XPO6: variants seen among roughly 807,000 people sequenced by gnomAD.
The protein encoded by XPO6 is exportin 6.
A neutral mutation model predicts 130.0 loss-of-function variants in XPO6; 3 were observed. The ratio of observed to expected loss-of-function variants is 0.02; its 90% CI spans 0.01 to 0.06. XPO6 has a LOEUF of 0.06. Among genes scored for constraint, XPO6 ranks in the 10% least tolerant of loss-of-function variants. XPO6 has a pLI of 1.00. For missense variants in XPO6, 970 were observed against 1,393.0 expected (o/e 0.70, Z 4.83); for synonymous variants, 524 against 548.9 (o/e 0.95, Z 0.63).
Position 28,211,543 on chromosome 16 carries a change from G to A in XPO6, c.-175C>T. 1 of 613,616 alleles carries A rather than the reference G, an allele frequency of 1.6e-6. No individual in the cohort carries two copies. Among genetic ancestry groups the A allele is most frequent in the Non-Finnish European group, 2.4e-6 (1 of 409,694 alleles). 38.0% of individuals were successfully genotyped at this position (613,616 alleles called of 1,614,324 possible). A position where few individuals can be genotyped will look rare whatever the true frequency, so the allele number is the denominator to read the frequency against. ...CTCTAAAAAGGGCAGGGCCGCCCGG[G>A]TCGCCTCATCGGGGGACCCCGAGAC... On this transcript the variant is annotated 5_prime_UTR_variant, in exon 1 of 24. Coordinates refer to ENST00000304658, the MANE Select transcript of XPO6 (RefSeq NM_015171.4).
At chr16:28,144,785 A>C (rs1055151687) in intron 9 of XPO6, among the ~76,000 whole-genome samples, 1 of 152,206 alleles carries the variant, frequency 6.6e-6, no homozygotes, top group African/African-American at 2.4e-5. Context: ...TATTTCAATT[A>C]ATGTCTCAAC....
At chr16:28,124,004 C>T (rs1443359058) in intron 13 of XPO6, among the ~76,000 whole-genome samples, 2 of 151,104 alleles carry the variant, frequency 1.3e-5, no homozygotes, top group Admixed American at 6.6e-5. Context: ...TCAAATGATT[C>T]AGGATCTTTG....
chr16:28,140,342 T>C (rs2042866379), intron 9 of XPO6, among the ~76,000 whole-genome samples: 1 of 150,998 alleles, frequency 6.6e-6, no homozygotes, highest in South Asian at 2.1e-4. Context: ...CCAAAGAAAT[T>C]AGAAAATATT....
chr16:28,125,554 CAGCTTGTATGTGGCAG>C, intron 13 of XPO6, 119 bp downstream of exon 13: 3 of 1,096,020 alleles, frequency 2.7e-6, no homozygotes, highest in Non-Finnish European at 3.9e-6. Flanking sequence ...TGTTCCCTAT[CAGCTTGTATGTGGCAG>C]AGCCTAGATT....
intron 9 of XPO6, 75 bp downstream of exon 9, chr16:28,146,019 G>T: frequency 8.8e-7 from 1 of 1,133,080 alleles, no homozygotes; most frequent in Non-Finnish European, 1.3e-6. Flanking sequence ...AGGTCCAAAT[G>T]CATGGCTGTC....
chr16:28,124,369 T>C (rs763197601), intron 13 of XPO6, among the ~76,000 whole-genome samples: 2 of 152,212 alleles, frequency 1.3e-5, no homozygotes, highest in African/African-American at 2.4e-5. Context: ...ACTGAACAGA[T>C]AAGATATATC....
At chr16:28,186,374 C>CTGTTTTTTTTTTTTTTTTTTTTTTT (rs2043693656) in intron 1 of XPO6, among the ~76,000 whole-genome samples, 1 of 81,442 alleles carries the variant, frequency 1.2e-5, no homozygotes, top group Admixed American at 1.7e-4. Flanking sequence ...CCCAGTTATT[C>CTGTTTTTTTTTTTTTTTTTTTTTTT]TTTTTTTTTT....
chr16:28,181,793 G>C (rs2141873328), intron 1 of XPO6, among the ~76,000 whole-genome samples: 1 of 152,262 alleles, frequency 6.6e-6, no homozygotes, highest in African/African-American at 2.4e-5. Context: ...GCTAACTAGG[G>C]ATTCAAAATT....
intron 23 of XPO6, among the ~76,000 whole-genome samples, chr16:28,099,216 G>A (rs1485608636): frequency 6.6e-6 from 1 of 152,190 alleles, no homozygotes; most frequent in Non-Finnish European, 1.5e-5. Flanking sequence ...CCCACTGGGC[G>A]CAGCGTGGGC....
rs772077448 is a variant in XPO6 at position 28,169,770 on chromosome 16, G to A, written c.545C>T (p.Thr182Ile). The A allele has an allele frequency of 6.2e-7, 1 of 1,613,990 alleles. No individual in the cohort carries two copies. The highest frequency in any genetic ancestry group is 8.5e-7 in the Non-Finnish European group (1 of 1,179,962). ...CTCACCTGTCAGTAGCCCAAGCACTGTCTGCACCTGGTCCAGTAGCAGCTT... is the reference window on the plus strand; with the variant it reads ...CTCACCTGTCAGTAGCCCAAGCACTATCTGCACCTGGTCCAGTAGCAGCTT... ...LRKLLLDQVQTVLGLLTGILE... is the reference protein window; with the variant it reads ...LRKLLLDQVQIVLGLLTGILE... The change falls in exon 5 of 24, where the codon ACA becomes ATA. Residue 182 changes from threonine (T) to isoleucine (I), a missense_variant. Transcript: ENST00000304658.
chr16:28,182,182 C>T (rs765874486), intron 1 of XPO6, among the ~76,000 whole-genome samples: 3 of 152,182 alleles, frequency 2.0e-5, no homozygotes, highest in South Asian at 2.1e-4. Context: ...TGGACTGAGA[C>T]CTGACTATAA....
intron 6 of XPO6, among the ~76,000 whole-genome samples, chr16:28,162,228 G>A (rs1384592451): frequency 6.6e-6 from 1 of 151,752 alleles, no homozygotes; most frequent in East Asian, 1.9e-4. Flanking sequence ...TTGGGGTGAG[G>A]GAAAGAACCT....
chr16:28,099,047 G>A (rs935744884), intron 23 of XPO6, among the ~76,000 whole-genome samples: 8 of 152,180 alleles, frequency 5.3e-5, no homozygotes, highest in Non-Finnish European at 8.8e-5. Flanking sequence ...CCCCTCAAAC[G>A]CAGACATGGC....
rs367638103 is a variant in XPO6 at position 28,111,953 on chromosome 16, T to G, written c.2205A>C (p.Pro735=). 3.3e-4 allele frequency: 536 copies of G among 1,614,102 alleles called. 1 individual carries two copies. Among genetic ancestry groups the G allele is most frequent in the Non-Finnish European group, 4.0e-4 (474 of 1,179,996 alleles). ...ALSNILLLPW[P]NLPENEQQWP... ...ACTGCTGCTCATTCTCTGGAAGGTT[T>G]GGCCACGGAAGCAGCAAGATGTTAG... The change falls in exon 17 of 24, where the codon CCA becomes CCC. Residue 735 remains proline (P), a synonymous_variant. Transcript: ENST00000304658.
Position 28,127,831 on chromosome 16 carries a change from G to A in XPO6, c.1607-1983C>T, listed in dbSNP as rs117499871. 4.3e-4 allele frequency among the ~76,000 whole-genome samples: 66 copies of A among 152,300 alleles called. 2 individuals are homozygous for A. The East Asian group carries it at 0.01, about 24-fold the overall frequency. On this transcript the variant is annotated intron_variant, in intron 12 of 23. Transcript: ENST00000304658. ...CATGGAAGGACCTCAGACAGAGAGG[G>A]CCAGTGACAAAGGCTGGTTTTGACC...
At chr16:28,161,800 A>G (rs1431049689) in intron 6 of XPO6, among the ~76,000 whole-genome samples, 3 of 152,242 alleles carry the variant, frequency 2.0e-5, no homozygotes, top group Non-Finnish European at 4.4e-5. Context: ...AGCATAAGGT[A>G]GAAATGAAAC....
intron 3 of XPO6, among the ~76,000 whole-genome samples, chr16:28,176,542 G>A (rs1218220120): frequency 6.6e-6 from 1 of 151,342 alleles, no homozygotes; most frequent in African/African-American, 2.4e-5. Flanking sequence ...CTGTCGCCCA[G>A]GCTGGAGTGC....
chr16:28,134,622 C>A (rs1031804211), intron 10 of XPO6, among the ~76,000 whole-genome samples: 3 of 152,078 alleles, frequency 2.0e-5, no homozygotes, highest in Non-Finnish European at 4.4e-5. Context: ...TTGACCATGC[C>A]GCAGTCACTC....
chr16:28,199,700 G>A (rs186193315), intron 1 of XPO6, among the ~76,000 whole-genome samples: 92 of 152,076 alleles, frequency 6.0e-4, no homozygotes, highest in African/African-American at 2.0e-3. Flanking sequence ...CCAAGTAGCT[G>A]GGATTACAGG....
Sources: allele counts gnomAD v4.1 joint callset (sites outside exome capture counted in the v4.1 genomes callset), GRCh38; gene constraint gnomAD v4.1.1; transcripts MANE v1.5; gene names NCBI Gene and HGNC (gene_info 2026-07-23, HGNC 2026-07-21).